The following SCAI variants were observed in gnomAD, a reference collection of about 807,000 sequenced individuals.
SCAI encodes the protein protein SCAI.
SCAI carries 24 observed loss-of-function variants against 92.2 expected under a neutral mutation model. The ratio of observed to expected loss-of-function variants is 0.26; its 90% CI spans 0.19 to 0.37. The LOEUF (loss-of-function observed/expected upper bound fraction) is 0.37. Among genes scored for constraint, SCAI ranks in the 10% least tolerant of loss-of-function variants. The probability of loss-of-function intolerance (pLI) is 1.00; values close to 1 mark genes in which losing one functional copy is unlikely to be tolerated. For missense variants in SCAI, 450 were observed against 736.2 expected, an observed-to-expected ratio of 0.61 and a Z score of 4.50; for synonymous variants, 261 against 258.6, an observed-to-expected ratio of 1.01 and a Z score of -0.09.
rs1831252955 is a variant in SCAI, at chr9:124,952,877, T to C, written c.1751A>G (p.His584Arg). 1 of 1,612,604 alleles carries C rather than the reference T, an allele frequency of 6.2e-7. No homozygotes were observed. Among genetic ancestry groups the C allele is most frequent in the African/African-American group, 1.3e-5 (1 of 74,902 alleles). Residue 584 changes from histidine to arginine, a missense_variant, in exon 18 of 18, where the codon CAC (histidine) becomes CGC (arginine). By Grantham distance (29) the His-to-Arg change is conservative. Transcript: ENST00000336505. ...CAGAATGGATGCTAATTCCAAAATG[T>C]GCTTCTGGAGATGAGGATTCTCCAC... ...ETVENPHLQK[H>R]ILELASILDV...
At chr9:125,114,068 G>A (rs556658567) in intron 2 of SCAI, among the ~76,000 whole-genome samples, 1 of 152,114 alleles carries the variant, frequency 6.6e-6, no homozygotes. Context: ...AGGTGCCTTG[G>A]GGTATCACAT....
intron 17 of SCAI, among the ~76,000 whole-genome samples, chr9:124,959,375 T>C (rs895745714): frequency 2.7e-5 from 4 of 149,612 alleles, no homozygotes; most frequent in East Asian, 3.9e-4. Context: ...CTGACAACAA[T>C]GTTGGCAAGA....
chr9:125,002,176 G>A (rs1368412558), intron 11 of SCAI, 133 bp from the exon 12 acceptor site: 28 of 643,724 alleles, frequency 4.3e-5, no homozygotes, highest in Non-Finnish European at 6.4e-5. Flanking sequence ...GAGAAGAAAC[G>A]CTCTTCTTGG....
intron 2 of SCAI, among the ~76,000 whole-genome samples, chr9:125,125,209 A>C (rs1835235460): frequency 6.6e-6 from 1 of 151,976 alleles, no homozygotes; most frequent in Non-Finnish European, 1.5e-5. Flanking sequence ...AGACAGAGCG[A>C]AACTCTGTCT....
intron 2 of SCAI, among the ~76,000 whole-genome samples, chr9:125,123,760 G>A (rs1291147163): frequency 6.6e-6 from 1 of 152,182 alleles, no homozygotes; most frequent in Non-Finnish European, 1.5e-5. Context: ...GGGCGAGAGT[G>A]AGACTCCGTC....
chr9:125,062,712 AAAAC>A (rs200438090), intron 2 of SCAI, among the ~76,000 whole-genome samples: 31 of 150,672 alleles, frequency 2.1e-4, no homozygotes, highest in South Asian at 1.1e-3. Context: ...CCAAAATTGC[AAAAC>A]AAACAAACAA....
rs976939605 is a variant in SCAI at position 124,951,717 on chromosome 9, G to A, written c.*1090C>T. 3 of 152,062 alleles carry A rather than the reference G, an allele frequency of 2.0e-5. No homozygotes were observed. The highest frequency in any genetic ancestry group is 7.2e-5 in the African/African-American group (3 of 41,384). The allele number at this position is 152,062 out of a possible 1,614,324, so 9.4% of individuals were successfully genotyped here. ...TAGCAAGTGACTGTGAAATTATAAA[G>A]GGAATGACAGGGAAGGAAAACACAA... On this transcript the variant is annotated 3_prime_UTR_variant, in exon 18 of 18. Coordinates refer to ENST00000336505, the MANE Select transcript of SCAI (RefSeq NM_001144877.3).
At chr9:124,969,979 G>A (rs190372341) in intron 17 of SCAI, among the ~76,000 whole-genome samples, 3 of 151,852 alleles carry the variant, frequency 2.0e-5, no homozygotes, top group African/African-American at 7.3e-5. Context: ...TCAGCCTCCC[G>A]AGTAGCTGGG....
At chr9:125,086,486 T>C (rs1834328699) in intron 2 of SCAI, among the ~76,000 whole-genome samples, 1 of 152,042 alleles carries the variant, frequency 6.6e-6, no homozygotes, top group Non-Finnish European at 1.5e-5. Context: ...ATTACAAAGA[T>C]GAAAAAAGGT....
rs1364020429 is a variant in SCAI, at chr9:124,948,401, C to G, written c.*4406G>C. Reference sequence around the variant, plus strand: ...CACACATGCAAATGAAGAATACATCCTGGCTAGAATAAAAGATAAAATGTC... The same window carrying G: ...CACACATGCAAATGAAGAATACATCGTGGCTAGAATAAAAGATAAAATGTC... On this transcript the variant is annotated 3_prime_UTR_variant, in exon 18 of 18. Coordinates refer to ENST00000336505, the MANE Select transcript of SCAI (RefSeq NM_001144877.3). 6.6e-6 allele frequency: 1 copy of G among 152,194 alleles called. No homozygotes were observed. The highest frequency in any genetic ancestry group is 2.4e-5 in the African/African-American group (1 of 41,458). 9.4% of individuals were successfully genotyped at this position (152,194 alleles called of 1,614,324 possible). A position where few individuals can be genotyped will look rare whatever the true frequency, so the allele number is the denominator to read the frequency against.
rs940710074 is a variant in SCAI, at chr9:125,135,580, G to A, written c.98+7053C>T. Among the ~76,000 whole-genome samples, 60 of 152,180 alleles carry A rather than the reference G, an allele frequency of 3.9e-4. 1 individual carries two copies. Among genetic ancestry groups the A allele is most frequent in the Non-Finnish European group, 8.2e-4 (56 of 68,038 alleles). ...AGGCACAAGAACCACTTGAACCCAG[G>A]AGGCAGAGGTTGCTGTGAACCGAGA... On this transcript the variant is annotated intron_variant, in intron 2 of 17. Transcript: ENST00000336505.
In SCAI at chr9:124,942,643, A is replaced by G. The variant is rs1352779506; in HGVS notation, c.*10164T>C. The G allele has an allele frequency of 6.6e-6, 1 of 152,210 alleles. No individual in the cohort carries two copies. Among genetic ancestry groups the G allele is most frequent in the Non-Finnish European group, 1.5e-5 (1 of 68,034 alleles). The allele number at this position is 152,210 out of a possible 1,614,324, so 9.4% of individuals were successfully genotyped here. On this transcript the variant is annotated 3_prime_UTR_variant, in exon 18 of 18. Coordinates refer to ENST00000336505, the MANE Select transcript of SCAI (RefSeq NM_001144877.3). The stretch of plus-strand genomic sequence containing the variant: ...TAATGTTTATTTTTATATTGATGAT[A>G]CACTTAATATATATGTGGATTCAAG...
At chr9:125,040,068 A>AT (rs1466798404) in intron 3 of SCAI, among the ~76,000 whole-genome samples, 2 of 152,194 alleles carry the variant, frequency 1.3e-5, no homozygotes, top group African/African-American at 4.8e-5. Context: ...AATAAGAATG[A>AT]TTTTGGCAGG....
intron 9 of SCAI, among the ~76,000 whole-genome samples, chr9:125,010,115 C>T (rs530374063): frequency 2.0e-5 from 3 of 152,158 alleles, no homozygotes; most frequent in Non-Finnish European, 2.9e-5. Context: ...ACGCAGAAGA[C>T]GGGTGATTTC....
chr9:124,975,338 T>A, intron 15 of SCAI: 1 of 456,672 alleles, frequency 2.2e-6, no homozygotes, highest in Non-Finnish European at 4.4e-6. Context: ...AGACAGGACT[T>A]CTGGCTGGGA....
chr9:124,964,175 T>C (rs961968101), intron 17 of SCAI, among the ~76,000 whole-genome samples: 5 of 152,202 alleles, frequency 3.3e-5, no homozygotes, highest in African/African-American at 9.7e-5. Context: ...TGCTGGGTTG[T>C]CTAATGTCCA....
intron 2 of SCAI, among the ~76,000 whole-genome samples, chr9:125,137,001 C>A (rs1326039458): frequency 1.3e-5 from 2 of 152,056 alleles, no homozygotes; most frequent in African/African-American, 2.4e-5. Context: ...TTGTGATCCA[C>A]CCGCCTCGGC....
chr9:125,050,927 C>A (rs1280517887), intron 3 of SCAI, among the ~76,000 whole-genome samples: 6 of 152,072 alleles, frequency 3.9e-5, no homozygotes, highest in African/African-American at 1.4e-4. Flanking sequence ...TACTGGACAA[C>A]CACATCTCTC....
intron 15 of SCAI, among the ~76,000 whole-genome samples, chr9:124,972,648 A>G (rs1307664608): frequency 6.6e-6 from 1 of 152,204 alleles, no homozygotes; most frequent in Admixed American, 6.5e-5. Context: ...CCTCAAACTC[A>G]ACATGTCAAC....
Sources: allele counts gnomAD v4.1 joint callset (sites outside exome capture counted in the v4.1 genomes callset), GRCh38; gene constraint gnomAD v4.1.1; transcripts MANE v1.5; gene names NCBI Gene and HGNC (gene_info 2026-07-23, HGNC 2026-07-21).